The following MAST4 variants were observed in gnomAD, a reference collection of about 807,000 sequenced individuals.
MAST4 encodes the protein microtubule associated serine/threonine kinase family member 4, also known as microtubule-associated serine/threonine-protein kinase 4.
Under a neutral mutation model 162.7 loss-of-function variants are expected in MAST4, and 89 were observed. The observed-to-expected ratio is 0.55, with a 90% CI of 0.46 to 0.65. The LOEUF (loss-of-function observed/expected upper bound fraction) is 0.65, where lower values mean the gene tolerates loss of function less well. MAST4 is among the 30% of genes least tolerant of loss of function. The probability of loss-of-function intolerance (pLI) is 0.00; values close to 1 mark genes in which losing one functional copy is unlikely to be tolerated. For missense variants in MAST4, 3,153 were observed against 3,374.0 expected, an observed-to-expected ratio of 0.93 and a Z score of 1.62; for synonymous variants, 1,479 against 1,361.1, an observed-to-expected ratio of 1.09 and a Z score of -1.91.
At chr5:66,652,192 A>G (rs1020148707) in intron 1 of MAST4, among the ~76,000 whole-genome samples, 1 of 152,138 alleles carries the variant, frequency 6.6e-6, no homozygotes, top group Non-Finnish European at 1.5e-5. Context: ...TATTTGTTTC[A>G]AGCCCTGGGC....
intron 4 of MAST4, among the ~76,000 whole-genome samples, chr5:66,940,815 A>G (rs1743281280): frequency 6.6e-6 from 1 of 152,110 alleles, no homozygotes; most frequent in Non-Finnish European, 1.5e-5. Flanking sequence ...CATTAGAGGA[A>G]TCATTATAGC....
Position 67,166,642 on chromosome 5 carries a change from C to T in MAST4, c.7463C>T (p.Ala2488Val), listed in dbSNP as rs374925521. The T allele has an allele frequency of 6.2e-5, 100 of 1,600,706 alleles. No homozygotes were observed. The East Asian group carries it at 1.4e-3, about 23-fold the overall frequency. ...ASSDTSSAKA[A>V]GGMLELPAPS... is the part of the protein sequence containing the mutation. ...AGCGACACCTCTTCTGCCAAGGCCG[C>T]CGGGGGCATGCTGGAGCTTCCAGCC... The change falls in exon 29 of 29, where the codon GCC (alanine) becomes GTC (valine). Residue 2488 changes from alanine to valine, a missense_variant. Physicochemically the swap from Ala to Val is moderately conservative, Grantham distance 64. Transcript: ENST00000403625.
rs766305472 is a variant in MAST4, at chr5:67,130,231, T to C, written c.1767T>C (p.His589=). The part of the protein sequence containing the change: ...GAYGAVYFVR[H]KESRQRFAMK... ...TCAGGGCAGTCTACTTTGTTCGGCA[T>C]AAAGAATCCCGGCAGAGGTTTGCCA... Residue 589 remains histidine (H), a synonymous_variant, in exon 15 of 29, where the codon CAT becomes CAC. Coordinates refer to ENST00000403625, the MANE Select transcript of MAST4 (RefSeq NM_001164664.2). 30 of 1,612,984 alleles carry C rather than the reference T, an allele frequency of 1.9e-5. No homozygotes were observed. Among genetic ancestry groups the C allele is most frequent in the Admixed American group, 6.7e-5 (4 of 59,844 alleles).
chr5:66,726,459 G>A (rs1278509086), intron 1 of MAST4, among the ~76,000 whole-genome samples: 2 of 152,140 alleles, frequency 1.3e-5, no homozygotes, highest in African/African-American at 4.8e-5. Flanking sequence ...TGTTCCCACT[G>A]AGCAGTTATT....
intron 3 of MAST4, among the ~76,000 whole-genome samples, chr5:66,883,668 C>T (rs1382204443): frequency 6.6e-6 from 1 of 152,066 alleles, no homozygotes; most frequent in African/African-American, 2.4e-5. Flanking sequence ...ACCTCGTGAT[C>T]CACCCACCTT....
At chr5:66,718,658 A>C (rs1370545475) in intron 1 of MAST4, among the ~76,000 whole-genome samples, 1 of 152,086 alleles carries the variant, frequency 6.6e-6, no homozygotes, top group Non-Finnish European at 1.5e-5. Context: ...AATATCACTG[A>C]GTTTTTTACT....
At chr5:66,803,471 G>A (rs1273587115) in intron 3 of MAST4, among the ~76,000 whole-genome samples, 2 of 133,372 alleles carry the variant, frequency 1.5e-5, no homozygotes, top group Admixed American at 1.5e-4. Flanking sequence ...GGGGGAAATT[G>A]ACATTTTTAT....
chr5:66,650,183 T>C (rs114705794), intron 1 of MAST4, among the ~76,000 whole-genome samples: 126 of 152,276 alleles, frequency 8.3e-4, no homozygotes, highest in African/African-American at 3.0e-3. Context: ...TAGGCTCAGC[T>C]TGGCTGGTGG....
At chr5:66,664,295 C>T (rs116067942) in intron 1 of MAST4, among the ~76,000 whole-genome samples, 7 of 151,576 alleles carry the variant, frequency 4.6e-5, no homozygotes, top group African/African-American at 9.7e-5. Context: ...ATTAGGTGGA[C>T]GTGGTGACGG....
intron 1 of MAST4, among the ~76,000 whole-genome samples, chr5:66,722,131 C>T (rs1186053888): frequency 6.6e-6 from 1 of 152,064 alleles, no homozygotes; most frequent in Non-Finnish European, 1.5e-5. Flanking sequence ...TCAGCCAGAC[C>T]ACTCTTCTGC....
chr5:66,731,311 T>C (rs917682689), intron 1 of MAST4, among the ~76,000 whole-genome samples: 15 of 152,218 alleles, frequency 9.9e-5, no homozygotes, highest in Non-Finnish European at 1.9e-4. Flanking sequence ...GACGTTTGCA[T>C]ATAGAACAAG....
At chr5:67,079,937 G>A (rs1762408238) in intron 5 of MAST4, among the ~76,000 whole-genome samples, 1 of 152,170 alleles carries the variant, frequency 6.6e-6, no homozygotes, top group African/African-American at 2.4e-5. Flanking sequence ...TTTCTGCAAA[G>A]GCTACCAGGG....
chr5:66,965,705 A>C (rs909129536), intron 4 of MAST4, among the ~76,000 whole-genome samples: 4 of 152,124 alleles, frequency 2.6e-5, no homozygotes, highest in African/African-American at 9.7e-5. Flanking sequence ...GGTGAAATAG[A>C]AGAAAAGTTT....
Position 66,657,820 on chromosome 5 carries a change from T to A in MAST4, c.363+60802T>A, listed in dbSNP as rs1008595484. On this transcript the variant is annotated intron_variant, in intron 1 of 28. Transcript: ENST00000403625. ...CAGGTTCCTTCATTCTAATTAAATG[T>A]GACAAAACACAGAAATGGTTAAATG... Among the ~76,000 whole-genome samples the A allele has an allele frequency of 2.0e-5, 3 of 152,252 alleles. No homozygotes were observed. The East Asian group carries it at 5.8e-4, about 29-fold the overall frequency.
intron 5 of MAST4, among the ~76,000 whole-genome samples, chr5:67,082,136 C>A (rs1215022409): frequency 1.3e-5 from 2 of 150,456 alleles, no homozygotes; most frequent in Non-Finnish European, 3.0e-5. Context: ...TGCAAAACAA[C>A]TACCTGTAAT....
chr5:66,856,093 G>A (rs528015747), intron 3 of MAST4, among the ~76,000 whole-genome samples: 33 of 152,324 alleles, frequency 2.2e-4, no homozygotes, highest in African/African-American at 6.3e-4. Context: ...TCAGGAGTCT[G>A]AGGCTGCAGT....
At chr5:66,713,204 C>T (rs1240568829) in intron 1 of MAST4, among the ~76,000 whole-genome samples, 1 of 151,964 alleles carries the variant, frequency 6.6e-6, no homozygotes, top group African/African-American at 2.4e-5. Flanking sequence ...CTCCTTGTAC[C>T]ATATAGAGGT....
At chr5:66,754,924 T>C (rs182475990) in intron 1 of MAST4, among the ~76,000 whole-genome samples, 2 of 151,986 alleles carry the variant, frequency 1.3e-5, no homozygotes, top group East Asian at 3.9e-4. Flanking sequence ...GTAGAGGAAA[T>C]GATAAATGTA....
intron 2 of MAST4, among the ~76,000 whole-genome samples, chr5:66,771,595 C>T (rs1754361761): frequency 6.6e-6 from 1 of 152,116 alleles, no homozygotes; most frequent in East Asian, 1.9e-4. Flanking sequence ...AAGGCTTCCT[C>T]CCCCCACTCC....
Sources: allele counts gnomAD v4.1 joint callset (sites outside exome capture counted in the v4.1 genomes callset), GRCh38; gene constraint gnomAD v4.1.1; transcripts MANE v1.5; gene names NCBI Gene and HGNC (gene_info 2026-07-23, HGNC 2026-07-21).